Variants in TBL1Y observed in about 807,000 individuals in gnomAD.
The protein encoded by TBL1Y is transducin beta like 1 Y-linked.
A neutral mutation model predicts 12.0 loss-of-function variants in TBL1Y; 15 were observed. The ratio of observed to expected loss-of-function variants is 1.25; its 90% CI spans 0.83 to 1.92. TBL1Y has a LOEUF of 1.92. TBL1Y is among the 40% of genes most tolerant of loss of function. The probability of loss-of-function intolerance (pLI) is 0.00; values close to 1 mark genes in which losing one functional copy is unlikely to be tolerated. For missense variants in TBL1Y, 148 were observed against 116.7 expected, an observed-to-expected ratio of 1.27 and a Z score of -1.24; for synonymous variants, 53 against 42.6, an observed-to-expected ratio of 1.24 and a Z score of -0.95.
At chrY:6,961,163 A>C in intron 2 of TBL1Y, among the ~76,000 whole-genome samples, 1 of 33,591 alleles carries the variant, frequency 3.0e-5, no homozygotes, top group African/African-American at 1.2e-4. Flanking sequence ...ACATAGGCCC[A>C]GTAAGTATAG....
chrY:7,085,193 CACAG>C, intron 14 of TBL1Y, among the ~76,000 whole-genome samples: 1 of 28,828 alleles, frequency 3.5e-5, no homozygotes, highest in African/African-American at 1.3e-4. Context: ...CACACACACA[CACAG>C]ACACACACAC....
At chrY:6,988,261 C>A (rs2012335278) in intron 3 of TBL1Y, among the ~76,000 whole-genome samples, 1 of 33,568 alleles carries the variant, frequency 3.0e-5, no homozygotes, top group African/African-American at 1.2e-4. Flanking sequence ...TCTTGACTTT[C>A]TGTTAAAAAA....
At chrY:6,967,313 A>G (rs1603031544) in intron 2 of TBL1Y, among the ~76,000 whole-genome samples, 1 of 33,478 alleles carries the variant, frequency 3.0e-5, no homozygotes, top group Admixed American at 2.7e-4. Context: ...TTGAGGGAGA[A>G]GGACAAAAGA....
At chrY:6,982,278 G>C (rs2012289763) in intron 3 of TBL1Y, among the ~76,000 whole-genome samples, 2 of 32,631 alleles carry the variant, frequency 6.1e-5, no homozygotes, top group African/African-American at 2.4e-4. Flanking sequence ...AACACAGTGA[G>C]ACCATGTCTC....
At chrY:6,988,665 C>CGTAA (rs2012339059) in intron 3 of TBL1Y, among the ~76,000 whole-genome samples, 1 of 26,905 alleles carries the variant, frequency 3.7e-5, no homozygotes, top group East Asian at 1.4e-3. Context: ...GCCTCAAAAA[C>CGTAA]ATAAATAAAT....
intron 2 of TBL1Y, among the ~76,000 whole-genome samples, chrY:6,929,784 AT>A: frequency 3.0e-5 from 1 of 33,399 alleles, no homozygotes; most frequent in Non-Finnish European, 7.4e-5. Flanking sequence ...AAAGTGAAAT[AT>A]TTATGTCTAC....
intron 3 of TBL1Y, among the ~76,000 whole-genome samples, chrY:6,987,728 C>T: frequency 3.0e-5 from 1 of 33,510 alleles, no homozygotes; most frequent in Non-Finnish European, 7.3e-5. Flanking sequence ...ATCGATAGCT[C>T]GATCCTTTTT....
chrY:7,013,781 C>T (rs760905785), intron 4 of TBL1Y, among the ~76,000 whole-genome samples: 1 of 34,318 alleles, frequency 2.9e-5, no homozygotes, highest in Admixed American at 2.6e-4. Flanking sequence ...AAAGGAGATT[C>T]TTGGAGAATC....
intron 2 of TBL1Y, among the ~76,000 whole-genome samples, chrY:6,915,862 G>T (rs2011730433): frequency 3.0e-5 from 1 of 33,388 alleles, no homozygotes; most frequent in Non-Finnish European, 7.4e-5. Flanking sequence ...TCCGGGCCTG[G>T]CTCATCATCA....
intron 3 of TBL1Y, among the ~76,000 whole-genome samples, chrY:6,988,756 T>C (rs2012341655): frequency 6.1e-5 from 2 of 32,890 alleles, no homozygotes; most frequent in Admixed American, 2.8e-4. Context: ...ATGTGCCCAG[T>C]GTTCATTTGA....
At chrY:7,090,813 G>A (rs763274751) in intron 18 of TBL1Y, among the ~76,000 whole-genome samples, 1 of 33,920 alleles carries the variant, frequency 2.9e-5, no homozygotes, top group South Asian at 6.7e-4. Flanking sequence ...CGTGTTCTGT[G>A]AGGTATGTTG....
chrY:7,033,019 G>A, intron 6 of TBL1Y, among the ~76,000 whole-genome samples: 1 of 33,231 alleles, frequency 3.0e-5, no homozygotes, highest in African/African-American at 1.2e-4. Flanking sequence ...ATAAAAAACC[G>A]TTCAAAAAAT....
intron 18 of TBL1Y, 36 bp downstream of exon 18, chrY:7,090,226 G>T: frequency 2.9e-6 from 1 of 349,890 alleles, no homozygotes; most frequent in South Asian, 3.2e-5. Flanking sequence ...GGAACAGGGT[G>T]TTGGGGGAGG....
chrY:7,040,210 T>C (rs886311396), intron 6 of TBL1Y, among the ~76,000 whole-genome samples: 1 of 34,471 alleles, frequency 2.9e-5, no homozygotes, highest in Non-Finnish European at 7.2e-5. Context: ...CCTGTATAAC[T>C]TTATGCTGCG....
intron 13 of TBL1Y, among the ~76,000 whole-genome samples, chrY:7,077,939 A>G (rs888267441): frequency 3.9e-4 from 13 of 33,552 alleles, no homozygotes; most frequent in African/African-American, 1.5e-3. Context: ...GGACATCAGC[A>G]TGGGAGAATT....
intron 3 of TBL1Y, among the ~76,000 whole-genome samples, chrY:6,993,199 T>TTCTTTCTTTCTC (rs2012383341): frequency 2.5e-4 from 3 of 11,950 alleles, no homozygotes; most frequent in African/African-American, 6.9e-4. Flanking sequence ...TTTTCTTTCT[T>TTCTTTCTTTCTC]TCTTTCTTTC....
chrY:6,958,617 G>A (rs2012085270), intron 2 of TBL1Y, among the ~76,000 whole-genome samples: 1 of 32,771 alleles, frequency 3.1e-5, no homozygotes, highest in Non-Finnish European at 7.5e-5. Flanking sequence ...AAGGAATGTC[G>A]TAGGAGGGCA....
At chrY:6,989,018 C>T (rs2012342882) in intron 3 of TBL1Y, among the ~76,000 whole-genome samples, 1 of 32,850 alleles carries the variant, frequency 3.0e-5, no homozygotes, top group Admixed American at 2.8e-4. Flanking sequence ...AGGGAGATCA[C>T]GACGTCATGG....
intron 2 of TBL1Y, among the ~76,000 whole-genome samples, chrY:6,967,019 C>T: frequency 3.0e-5 from 1 of 33,208 alleles, no homozygotes; most frequent in Non-Finnish European, 7.4e-5. Flanking sequence ...TGTGGGGTTC[C>T]CTTTTTGCTC....
Sources: gnomAD v4.1 joint callset for allele counts (sites outside exome capture counted in the v4.1 genomes callset) on GRCh38, gnomAD v4.1.1 for gene constraint, MANE v1.5 for transcripts, NCBI Gene and HGNC (gene_info 2026-07-23, HGNC 2026-07-21) for gene names.